The following FGGY variants were observed in gnomAD, a reference collection of about 807,000 sequenced individuals.
FGGY encodes the protein FGGY carbohydrate kinase domain containing, also known as FGGY carbohydrate kinase domain-containing protein.
In FGGY, 72 loss-of-function variants were observed where a neutral mutation model predicts 71.3. The observed-to-expected ratio is 1.01, with a 90% CI of 0.84 to 1.23. The LOEUF (loss-of-function observed/expected upper bound fraction) is 1.23, where lower values mean the gene tolerates loss of function less well. FGGY is among the 50% of genes most tolerant of loss of function. The probability of loss-of-function intolerance (pLI) is 0.00; values close to 1 mark genes in which losing one functional copy is unlikely to be tolerated. For synonymous variants in FGGY, 251 were observed against 250.3 expected (o/e 1.00, Z -0.02); for missense variants, 668 against 682.3 (o/e 0.98, Z 0.23).
At chr1:59,383,762 A>G (rs79444096) in intron 5 of FGGY, among the ~76,000 whole-genome samples, 2,569 of 152,312 alleles carry the variant, frequency 0.017, 32 homozygotes, top group Middle Eastern at 0.037. Context: ...ATTGTCAATC[A>G]GAAAATTTTT....
chr1:59,336,023 T>G (rs1291803935), intron 2 of FGGY, among the ~76,000 whole-genome samples: 2 of 152,216 alleles, frequency 1.3e-5, no homozygotes, highest in Non-Finnish European at 2.9e-5. Context: ...AAATTTTTTC[T>G]TTTGTGGGTC....
At chr1:59,299,866 G>C (rs1182936981) in intron 1 of FGGY, among the ~76,000 whole-genome samples, 1 of 152,172 alleles carries the variant, frequency 6.6e-6, no homozygotes, top group Non-Finnish European at 1.5e-5. Flanking sequence ...GCAGGAAATC[G>C]GAATGAGTCA....
intron 1 of FGGY, among the ~76,000 whole-genome samples, chr1:59,309,604 A>G (rs749073942): frequency 2.0e-5 from 3 of 152,202 alleles, no homozygotes; most frequent in Non-Finnish European, 2.9e-5. Context: ...TGACAGAGCC[A>G]TGTTTGTGGA....
intron 14 of FGGY, among the ~76,000 whole-genome samples, chr1:59,684,517 G>A (rs144034582): frequency 3.9e-5 from 6 of 152,252 alleles, no homozygotes; most frequent in African/African-American, 7.2e-5. Flanking sequence ...CTCTGAAAGC[G>A]GAAGAAGGAG....
rs145633892 is a variant in FGGY at position 59,704,011 on chromosome 1, A to G, written c.1512+29878A>G. Among the ~76,000 whole-genome samples the G allele has an allele frequency of 3.9e-5, 6 of 152,312 alleles. No homozygotes were observed. The East Asian group carries it at 1.2e-3, about 29-fold the overall frequency. The stretch of plus-strand genomic sequence containing the variant: ...GTGTACATGTTTTATCAAGATGACA[A>G]GAATCACTCTGGTTCATGATTCAAA... On this transcript the variant is annotated intron_variant, in intron 14 of 15. Coordinates refer to ENST00000303721, the MANE Select transcript of FGGY (RefSeq NM_018291.5).
chr1:59,575,065 T>C (rs780247836), intron 8 of FGGY, among the ~76,000 whole-genome samples: 2 of 152,216 alleles, frequency 1.3e-5, no homozygotes, highest in African/African-American at 2.4e-5. Flanking sequence ...GTAAAATGAT[T>C]AAATCAAGCT....
chr1:59,421,726 C>G (rs569401520), intron 5 of FGGY, among the ~76,000 whole-genome samples: 78 of 152,188 alleles, frequency 5.1e-4, no homozygotes, highest in African/African-American at 1.8e-3. Context: ...CTGACACTTC[C>G]TAGGGACCCA....
chr1:59,347,465 A>G (rs1015144501), intron 4 of FGGY, among the ~76,000 whole-genome samples: 4 of 152,038 alleles, frequency 2.6e-5, no homozygotes, highest in African/African-American at 7.2e-5. Context: ...TCCATGGTGT[A>G]TATGTGCCAC....
intron 6 of FGGY, among the ~76,000 whole-genome samples, chr1:59,489,764 C>T (rs1159977041): frequency 6.6e-6 from 1 of 152,100 alleles, no homozygotes; most frequent in African/African-American, 2.4e-5. Context: ...TATATTAGTT[C>T]TGTTTGTAGT....
chr1:59,596,860 C>T (rs1022432895), intron 8 of FGGY, among the ~76,000 whole-genome samples: 1 of 152,078 alleles, frequency 6.6e-6, no homozygotes, highest in Non-Finnish European at 1.5e-5. Flanking sequence ...GCTTTCAGAC[C>T]CTCTCTCTTC....
At chr1:59,354,784 C>A (rs1251491340) in intron 4 of FGGY, among the ~76,000 whole-genome samples, 1 of 152,164 alleles carries the variant, frequency 6.6e-6, no homozygotes, top group African/African-American at 2.4e-5. Context: ...AAAATAGACA[C>A]ACACAAAGTA....
At chr1:59,561,572 A>T (rs113464851) in intron 8 of FGGY, among the ~76,000 whole-genome samples, 1 of 152,196 alleles carries the variant, frequency 6.6e-6, no homozygotes, top group Non-Finnish European at 1.5e-5. Flanking sequence ...CTCAATCCTC[A>T]TGAGGAGATA....
intron 14 of FGGY, chr1:59,699,240 T>C (rs2097689835): frequency 1.0e-6 from 1 of 985,218 alleles, no homozygotes; most frequent in African/African-American, 1.7e-5. Context: ...TAAAAAATGA[T>C]ATTTTTCTTC....
chr1:59,735,711 A>G (rs774617083), intron 14 of FGGY, among the ~76,000 whole-genome samples: 4 of 152,244 alleles, frequency 2.6e-5, no homozygotes, highest in Non-Finnish European at 4.4e-5. Context: ...GCAGGTTTCA[A>G]AACGAGGTCT....
At chr1:59,593,752 A>G (rs1332692528) in intron 8 of FGGY, among the ~76,000 whole-genome samples, 5 of 152,194 alleles carry the variant, frequency 3.3e-5, no homozygotes, top group African/African-American at 1.2e-4. Flanking sequence ...TCCCAACTGC[A>G]TGGGAAACAA....
At chr1:59,694,066 C>T (rs1482247593) in intron 14 of FGGY, among the ~76,000 whole-genome samples, 2 of 151,760 alleles carry the variant, frequency 1.3e-5, no homozygotes, top group South Asian at 4.2e-4. Flanking sequence ...CTTTGGGAGG[C>T]TGAGGAGGGC....
At chr1:59,478,494 G>T (rs2093351767) in intron 6 of FGGY, among the ~76,000 whole-genome samples, 1 of 152,068 alleles carries the variant, frequency 6.6e-6, no homozygotes, top group Non-Finnish European at 1.5e-5. Flanking sequence ...TTATAACATA[G>T]CATGTAGAAA....
intron 6 of FGGY, among the ~76,000 whole-genome samples, chr1:59,471,256 C>G (rs564608096): frequency 6.6e-6 from 1 of 152,274 alleles, no homozygotes; most frequent in African/African-American, 2.4e-5. Flanking sequence ...TGTTCTTGCT[C>G]TCTCCTGCCT....
chr1:59,567,836 C>T (rs1184234410), intron 8 of FGGY, among the ~76,000 whole-genome samples: 1 of 150,366 alleles, frequency 6.7e-6, no homozygotes, highest in Non-Finnish European at 1.5e-5. Flanking sequence ...TGATAAAAAT[C>T]CTTTGTCGAT....
Sources: gnomAD v4.1 joint callset for allele counts (sites outside exome capture counted in the v4.1 genomes callset) on GRCh38, gnomAD v4.1.1 for gene constraint, MANE v1.5 for transcripts, NCBI Gene and HGNC (gene_info 2026-07-23, HGNC 2026-07-21) for gene names.